Variants in CDK17 observed in about 807,000 individuals in gnomAD.
CDK17 encodes the protein cyclin-dependent kinase 17.
CDK17 carries 24 observed loss-of-function variants against 77.6 expected under a neutral mutation model. The observed-to-expected ratio is 0.31, with a 90% confidence interval of 0.22 to 0.44. CDK17 has a LOEUF of 0.44. Among genes scored for constraint, CDK17 ranks in the 20% least tolerant of loss-of-function variants. The pLI is 1.00. For synonymous variants in CDK17, 203 were observed against 210.4 expected, an observed-to-expected ratio of 0.96 and a Z score of 0.30; for missense variants, 429 against 622.5, an observed-to-expected ratio of 0.69 and a Z score of 3.31.
At chr12:96,335,138 T>G (rs1953024762) in intron 1 of CDK17, 21 of 468,228 alleles carry the variant, frequency 4.5e-5, no homozygotes, top group South Asian at 3.5e-4. Context: ...GATTGGAAAT[T>G]TTCTTAAAAT....
At chr12:96,331,224 A>G (rs1701276980) in intron 2 of CDK17, among the ~76,000 whole-genome samples, 1 of 152,238 alleles carries the variant, frequency 6.6e-6, no homozygotes, top group African/African-American at 2.4e-5. Flanking sequence ...GATTACAGGC[A>G]TAAGCCTGGT....
At chr12:96,291,566 C>T (rs1952324926) in intron 10 of CDK17, among the ~76,000 whole-genome samples, 2 of 151,580 alleles carry the variant, frequency 1.3e-5, no homozygotes, top group African/African-American at 4.9e-5. Context: ...GCTGGGATTA[C>T]AGGTGTCAGC....
At chr12:96,313,475 T>A in intron 3 of CDK17, 21 bp from the exon 4 acceptor site, 1 of 1,359,534 alleles carries the variant, frequency 7.4e-7, no homozygotes, top group African/African-American at 1.5e-5. Context: ...AAATGAGACA[T>A]TAAAAGAGAT....
At chr12:96,323,009 T>C (rs562531998) in intron 3 of CDK17, among the ~76,000 whole-genome samples, 1 of 152,226 alleles carries the variant, frequency 6.6e-6, no homozygotes, top group African/African-American at 2.4e-5. Context: ...AGAAACACAT[T>C]TGGAAATAAT....
intron 9 of CDK17, among the ~76,000 whole-genome samples, chr12:96,295,971 C>T (rs191336463): frequency 2.0e-5 from 3 of 152,178 alleles, no homozygotes; most frequent in African/African-American, 4.8e-5. Flanking sequence ...ACAGGGCATC[C>T]GAACACTGAG....
At position 96,282,589 on chromosome 12, in the gene CDK17, T is replaced by C; in HGVS notation, c.1376A>G (p.Lys459Arg). 6.2e-7 allele frequency: 1 copy of C among 1,610,036 alleles called. No homozygotes were observed. The highest frequency in any genetic ancestry group is 8.5e-7 in the Non-Finnish European group (1 of 1,176,332). The change falls in exon 15 of 17, where the codon AAG (lysine) becomes AGG (arginine). Residue 459 changes from lysine (K) to arginine (R), a missense_variant. Coordinates refer to ENST00000261211, the MANE Select transcript of CDK17 (RefSeq NM_002595.5). ...GGCCTCTTCAGCTGAAACCCTTTTC[T>C]TAGATTCATACTGTGAAAAAGCAAA... The part of the protein sequence containing the change: ...LITKFLQYES[K>R]KRVSAEEAMK...
At chr12:96,292,199 A>G (rs918482986) in intron 10 of CDK17, among the ~76,000 whole-genome samples, 1 of 152,230 alleles carries the variant, frequency 6.6e-6, no homozygotes, top group Non-Finnish European at 1.5e-5. Flanking sequence ...AAAGTATTAA[A>G]CGAGCAAAAG....
chr12:96,383,275 T>C (rs1454324075), intron 1 of CDK17, among the ~76,000 whole-genome samples: 2 of 151,698 alleles, frequency 1.3e-5, no homozygotes, highest in East Asian at 1.9e-4. Flanking sequence ...CACAAACAAA[T>C]GTAAAAACAT....
At chr12:96,353,726 CA>C (rs1293849308) in intron 1 of CDK17, among the ~76,000 whole-genome samples, 1 of 152,036 alleles carries the variant, frequency 6.6e-6, no homozygotes, top group East Asian at 1.9e-4. Context: ...GTTAGTTTCC[CA>C]AGCTGAATTT....
At chr12:96,359,161 A>AC (rs1953456261) in intron 1 of CDK17, among the ~76,000 whole-genome samples, 1 of 152,110 alleles carries the variant, frequency 6.6e-6, no homozygotes, top group South Asian at 2.1e-4. Context: ...CAAATAAAGC[A>AC]CCTTACTAAT....
At chr12:96,358,573 G>A (rs936019281) in intron 1 of CDK17, among the ~76,000 whole-genome samples, 1 of 152,066 alleles carries the variant, frequency 6.6e-6, no homozygotes, top group Admixed American at 6.6e-5. Flanking sequence ...TGTAATCTCA[G>A]CACTTTGGAA....
chr12:96,369,113 C>G (rs182019430), intron 1 of CDK17, among the ~76,000 whole-genome samples: 1 of 151,812 alleles, frequency 6.6e-6, no homozygotes, highest in African/African-American at 2.4e-5. Flanking sequence ...TAACTCAGGA[C>G]CAGTCCACTA....
intron 2 of CDK17, among the ~76,000 whole-genome samples, chr12:96,330,832 G>C (rs1952956204): frequency 6.6e-6 from 1 of 152,202 alleles, no homozygotes; most frequent in Non-Finnish European, 1.5e-5. Flanking sequence ...ACAAGACTTT[G>C]ATTACCTGTT....
At chr12:96,280,488 GC>G in intron 16 of CDK17, 1 of 1,409,452 alleles carries the variant, frequency 7.1e-7, no homozygotes, top group Non-Finnish European at 9.2e-7. Flanking sequence ...GACTAGGGAA[GC>G]ACAAGATGTG....
intron 1 of CDK17, among the ~76,000 whole-genome samples, chr12:96,353,604 G>GA (rs1406997832): frequency 1.4e-5 from 1 of 71,860 alleles, no homozygotes; most frequent in South Asian, 5.6e-4. Flanking sequence ...TTAAAAGGTG[G>GA]CGGGGGGGGG....
chr12:96,390,836 C>T (rs1420054687), intron 1 of CDK17, among the ~76,000 whole-genome samples: 1 of 151,584 alleles, frequency 6.6e-6, no homozygotes, highest in Non-Finnish European at 1.5e-5. Context: ...GGTGTGGCGG[C>T]TCAAACCTGT....
At chr12:96,365,365 C>T (rs1229264941) in intron 1 of CDK17, among the ~76,000 whole-genome samples, 2 of 152,066 alleles carry the variant, frequency 1.3e-5, no homozygotes, top group Non-Finnish European at 2.9e-5. Context: ...TTTACCATTC[C>T]TATTATATAA....
intron 1 of CDK17, among the ~76,000 whole-genome samples, chr12:96,386,408 G>A (rs1953976902): frequency 6.6e-6 from 1 of 152,154 alleles, no homozygotes; most frequent in South Asian, 2.1e-4. Context: ...CGGCACTTTG[G>A]GAGGCCAAGG....
intron 10 of CDK17, among the ~76,000 whole-genome samples, chr12:96,289,601 C>A (rs1400522906): frequency 6.6e-6 from 1 of 152,160 alleles, no homozygotes; most frequent in African/African-American, 2.4e-5. Context: ...ATCATGATGA[C>A]AAAATTATTT....
Sources: allele counts gnomAD v4.1 joint callset (sites outside exome capture counted in the v4.1 genomes callset), GRCh38; gene constraint gnomAD v4.1.1; transcripts MANE v1.5; gene names NCBI Gene and HGNC (gene_info 2026-07-23, HGNC 2026-07-21).